LPP: variants seen among roughly 807,000 people sequenced by gnomAD.
The protein encoded by LPP is LIM domain containing preferred translocation partner in lipoma, also known as lipoma-preferred partner.
A neutral mutation model predicts 60.4 loss-of-function variants in LPP; 38 were observed. That is an observed-to-expected ratio of 0.63 (90% CI 0.49 to 0.83). LPP has a LOEUF of 0.83. Among genes scored for constraint, LPP ranks in the 40% least tolerant of loss-of-function variants. The pLI is 0.00. For synonymous variants in LPP, 328 were observed against 290.8 expected (o/e 1.13, Z -1.30); for missense variants, 902 against 783.6 (o/e 1.15, Z -1.80).
chr3:188,642,659 A>G (rs4686989), intron 7 of LPP, among the ~76,000 whole-genome samples: 146,390 of 152,286 alleles, frequency 0.96, 70,618 homozygotes, highest in East Asian at 1. Flanking sequence ...ATAATCGGTC[A>G]GGTGCGGTGG....
chr3:188,366,536 C>G (rs1022345496), intron 3 of LPP, among the ~76,000 whole-genome samples: 3 of 152,116 alleles, frequency 2.0e-5, no homozygotes, highest in African/African-American at 7.2e-5. Context: ...TATGTTCCAC[C>G]CAGGTGCTGC....
At chr3:188,424,117 T>A (rs1788639362) in intron 4 of LPP, among the ~76,000 whole-genome samples, 1 of 152,210 alleles carries the variant, frequency 6.6e-6, no homozygotes, top group African/African-American at 2.4e-5. Flanking sequence ...TAATTCATCT[T>A]GAGTTGATTT....
At chr3:188,192,206 C>G (rs1299430482) in intron 1 of LPP, among the ~76,000 whole-genome samples, 3 of 152,154 alleles carry the variant, frequency 2.0e-5, no homozygotes, top group Non-Finnish European at 4.4e-5. Flanking sequence ...ATTAGAAAGG[C>G]TTCATGGGGT....
intron 3 of LPP, among the ~76,000 whole-genome samples, chr3:188,395,560 GAT>G (rs1207167135): frequency 2.6e-5 from 4 of 152,014 alleles, no homozygotes; most frequent in African/African-American, 7.3e-5. Flanking sequence ...TATTTAAGAT[GAT>G]ATGTAATTAG....
chr3:188,728,109 C>T (rs1353317114), intron 8 of LPP, among the ~76,000 whole-genome samples: 4 of 152,132 alleles, frequency 2.6e-5, no homozygotes, highest in Admixed American at 2.6e-4. Context: ...CACACCCACA[C>T]ACATCTACCT....
intron 3 of LPP, among the ~76,000 whole-genome samples, chr3:188,344,701 T>A (rs1368027331): frequency 1.3e-5 from 2 of 152,236 alleles, no homozygotes; most frequent in Non-Finnish European, 2.9e-5. Context: ...AGCTTTTGCT[T>A]CTTTTACATA....
At chr3:188,691,663 G>A (rs1397188143) in intron 7 of LPP, among the ~76,000 whole-genome samples, 3 of 152,200 alleles carry the variant, frequency 2.0e-5, no homozygotes, top group Non-Finnish European at 2.9e-5. Context: ...CCAGAGAGGT[G>A]AAATGATTTC....
chr3:188,216,701 A>G (rs994383000), intron 1 of LPP, among the ~76,000 whole-genome samples: 1 of 152,130 alleles, frequency 6.6e-6, no homozygotes, highest in African/African-American at 2.4e-5. Context: ...GTTTTACACT[A>G]AGCATCCTGT....
chr3:188,382,242 T>C (rs1777109587), intron 3 of LPP, among the ~76,000 whole-genome samples: 1 of 152,188 alleles, frequency 6.6e-6, no homozygotes, highest in Admixed American at 6.5e-5. Flanking sequence ...AAGTCTACTT[T>C]TGTCACTCAA....
intron 4 of LPP, among the ~76,000 whole-genome samples, chr3:188,420,767 C>T (rs1487713993): frequency 6.6e-6 from 1 of 152,108 alleles, no homozygotes; most frequent in African/African-American, 2.4e-5. Context: ...GTTTTTATTT[C>T]TGCTCTTACC....
Position 188,716,940 on chromosome 3 carries a change from A to G in LPP, c.1240+8547A>G, listed in dbSNP as rs1434001858. On this transcript the variant is annotated intron_variant, in intron 8 of 11. Coordinates refer to ENST00000617246, the MANE Select transcript of LPP (RefSeq NM_001375462.1). ...CCCCTAGATTATCATTATTATTATT[A>G]CATGATTTCAACTAACATTTATATA... Among the ~76,000 whole-genome samples the G allele has an allele frequency of 2.6e-5, 4 of 152,220 alleles. No homozygotes were observed. In the East Asian group the frequency reaches 7.7e-4, roughly 29 times the overall value.
At chr3:188,631,135 G>T (rs1230185553) in intron 7 of LPP, among the ~76,000 whole-genome samples, 2 of 151,962 alleles carry the variant, frequency 1.3e-5, no homozygotes, top group Non-Finnish European at 2.9e-5. Context: ...ACAACTTACT[G>T]ATGTAACAAA....
intron 8 of LPP, among the ~76,000 whole-genome samples, chr3:188,720,275 C>G (rs533514188): frequency 6.2e-4 from 94 of 152,228 alleles, no homozygotes; most frequent in Non-Finnish European, 1.2e-3. Flanking sequence ...TACTACTCAC[C>G]AATTATTGTA....
chr3:188,758,435 G>C (rs1731089731), intron 8 of LPP, among the ~76,000 whole-genome samples: 1 of 151,980 alleles, frequency 6.6e-6, no homozygotes, highest in African/African-American at 2.4e-5. Flanking sequence ...TGCTGGGATT[G>C]AAGACATGAG....
chr3:188,498,011 G>A (rs972755524), intron 5 of LPP, among the ~76,000 whole-genome samples: 1 of 152,098 alleles, frequency 6.6e-6, no homozygotes, highest in Non-Finnish European at 1.5e-5. Context: ...GTCCCAACAT[G>A]AACTAGCTCA....
chr3:188,429,582 C>T (rs927471358), intron 4 of LPP, among the ~76,000 whole-genome samples: 1 of 152,148 alleles, frequency 6.6e-6, no homozygotes, highest in African/African-American at 2.4e-5. Flanking sequence ...ACCTGCTGCT[C>T]CTGAAACCTA....
At chr3:188,484,136 T>C (rs1382886321) in intron 4 of LPP, among the ~76,000 whole-genome samples, 1 of 152,232 alleles carries the variant, frequency 6.6e-6, no homozygotes, top group African/African-American at 2.4e-5. Context: ...AGGAAAATTA[T>C]ATGATCCACT....
intron 2 of LPP, among the ~76,000 whole-genome samples, chr3:188,252,156 C>T (rs1577585693): frequency 9.0e-6 from 1 of 111,572 alleles, no homozygotes; most frequent in African/African-American, 3.2e-5. Flanking sequence ...CTGTAATGCC[C>T]CTTCTTCCCC....
chr3:188,301,354 ACCAGAGCTCGG>A (rs1256806557), intron 2 of LPP, among the ~76,000 whole-genome samples: 1 of 152,240 alleles, frequency 6.6e-6, no homozygotes, highest in African/African-American at 2.4e-5. Flanking sequence ...AGTGGAAATA[ACCAGAGCTCGG>A]CCATTTTTGT....
Sources: allele counts gnomAD v4.1 joint callset (sites outside exome capture counted in the v4.1 genomes callset), GRCh38; gene constraint gnomAD v4.1.1; transcripts MANE v1.5; gene names NCBI Gene and HGNC (gene_info 2026-07-23, HGNC 2026-07-21).